GRID2: variants seen among roughly 807,000 people sequenced by gnomAD.
The protein encoded by GRID2 is glutamate ionotropic receptor delta type subunit 2.
GRID2 carries 33 observed loss-of-function variants against 114.8 expected under a neutral mutation model. The observed-to-expected ratio is 0.29, with a 90% CI of 0.22 to 0.38. GRID2 has a LOEUF of 0.38. Ranked by LOEUF, GRID2 falls within the 10% of genes least tolerant of loss-of-function variation. The pLI, the probability that GRID2 is intolerant of heterozygous loss-of-function variation, is 1.00. For missense variants in GRID2, 1,184 were observed against 1,257.7 expected (o/e 0.94, Z 0.89); for synonymous variants, 505 against 449.9 (o/e 1.12, Z -1.55).
At chr4:92,399,915 G>A (rs1730705784) in intron 1 of GRID2, among the ~76,000 whole-genome samples, 1 of 151,858 alleles carries the variant, frequency 6.6e-6, no homozygotes, top group Admixed American at 6.6e-5. Flanking sequence ...TTTTCAGTTG[G>A]GCAGAGCATA....
intron 1 of GRID2, among the ~76,000 whole-genome samples, chr4:92,444,928 GA>G (rs1335738504): frequency 2.6e-5 from 4 of 152,136 alleles, no homozygotes; most frequent in Admixed American, 6.5e-5. Flanking sequence ...AAATCTATGA[GA>G]AATTATTGGC....
At chr4:93,363,024 A>T (rs559693748) in intron 8 of GRID2, among the ~76,000 whole-genome samples, 1 of 152,160 alleles carries the variant, frequency 6.6e-6, no homozygotes, top group Non-Finnish European at 1.5e-5. Context: ...GTTCGGGATC[A>T]GCCTGGCCAA....
At chr4:93,314,918 G>A (rs1158386170) in intron 8 of GRID2, among the ~76,000 whole-genome samples, 1 of 152,012 alleles carries the variant, frequency 6.6e-6, no homozygotes, top group African/African-American at 2.4e-5. Flanking sequence ...GTCTATAGGA[G>A]TGTTATTAAC....
intron 1 of GRID2, among the ~76,000 whole-genome samples, chr4:92,380,140 G>A (rs1579268013): frequency 6.6e-6 from 1 of 151,340 alleles, no homozygotes; most frequent in East Asian, 1.9e-4. Flanking sequence ...TGAAGTTTGG[G>A]AAGCATTTTT....
intron 2 of GRID2, among the ~76,000 whole-genome samples, chr4:92,690,668 C>T (rs1038128523): frequency 1.3e-5 from 2 of 152,048 alleles, no homozygotes; most frequent in Non-Finnish European, 1.5e-5. Context: ...ACAAATTATA[C>T]CTGTATATAA....
intron 1 of GRID2, among the ~76,000 whole-genome samples, chr4:92,450,892 CAAATAAAATAA>C (rs1309276390): frequency 6.4e-5 from 9 of 140,718 alleles, no homozygotes; most frequent in Non-Finnish European, 1.1e-4. Context: ...AATAAATATT[CAAATAAAATAA>C]AAATAAAATA....
chr4:92,401,981 A>C (rs2110282542), intron 1 of GRID2, among the ~76,000 whole-genome samples: 1 of 152,264 alleles, frequency 6.6e-6, no homozygotes, highest in African/African-American at 2.4e-5. Context: ...TTATCAACTA[A>C]GTTTATGAAA....
At chr4:92,794,627 C>T (rs1739762058) in intron 2 of GRID2, among the ~76,000 whole-genome samples, 1 of 151,262 alleles carries the variant, frequency 6.6e-6, no homozygotes, top group Admixed American at 6.6e-5. Flanking sequence ...TCAAAGTAAA[C>T]AGACGTTTGT....
chr4:93,079,320 A>T (rs1287754368), intron 2 of GRID2, among the ~76,000 whole-genome samples: 1 of 151,978 alleles, frequency 6.6e-6, no homozygotes, highest in African/African-American at 2.4e-5. Context: ...AGCTAAAACT[A>T]TAGAGAATCA....
At chr4:93,275,539 T>C (rs1374732546) in intron 8 of GRID2, among the ~76,000 whole-genome samples, 3 of 151,750 alleles carry the variant, frequency 2.0e-5, no homozygotes, top group Non-Finnish European at 4.4e-5. Context: ...GACCATACTG[T>C]TTAGTGTCTC....
chr4:93,227,236 TTATATA>T (rs146296607), intron 7 of GRID2, among the ~76,000 whole-genome samples: 2 of 151,878 alleles, frequency 1.3e-5, no homozygotes, highest in South Asian at 4.2e-4. Context: ...CTCCTGAATA[TTATATA>T]TATATAATTT....
chr4:92,908,475 TGTC>T (rs1748120807), intron 2 of GRID2, among the ~76,000 whole-genome samples: 1 of 150,990 alleles, frequency 6.6e-6, no homozygotes, highest in East Asian at 2.0e-4. Context: ...GACCATTACT[TGTC>T]GTGAACCTGG....
intron 8 of GRID2, among the ~76,000 whole-genome samples, chr4:93,380,190 T>C (rs967434122): frequency 6.6e-6 from 1 of 151,998 alleles, no homozygotes; most frequent in Non-Finnish European, 1.5e-5. Context: ...GTATCTTTAT[T>C]AGAGAAAGAC....
At chr4:92,367,603 A>C (rs761749360) in intron 1 of GRID2, among the ~76,000 whole-genome samples, 1 of 152,104 alleles carries the variant, frequency 6.6e-6, no homozygotes, top group Admixed American at 6.6e-5. Context: ...ATTGGGCAGA[A>C]AGGGCAAGTT....
At chr4:92,684,802 C>T (rs2149287584) in intron 2 of GRID2, among the ~76,000 whole-genome samples, 1 of 152,116 alleles carries the variant, frequency 6.6e-6, no homozygotes, top group East Asian at 1.9e-4. Flanking sequence ...TTGTGGTTGT[C>T]AGATGATTTT....
At position 93,455,703 on chromosome 4, in the gene GRID2, T is replaced by A; in HGVS notation, c.1587T>A (p.Asp529Glu). 1.2e-6 allele frequency: 2 copies of A among 1,613,284 alleles called. No homozygotes were observed. The highest frequency in any genetic ancestry group is 1.7e-6 in the Non-Finnish European group (2 of 1,179,322). ...IGISALTITP[D>E]RENVVDFTTR... ...TTTCTGCTTTAACCATCACTCCAGA[T>A]CGTGAAAATGTGGTGGACTTTACGA... Residue 529 changes from aspartate (D) to glutamate (E), a missense_variant, in exon 11 of 16, where the codon GAT becomes GAA. Asp to Glu is a conservative substitution (Grantham distance 45). Transcript: ENST00000282020.
chr4:93,000,696 T>A (rs1720866585), intron 2 of GRID2, among the ~76,000 whole-genome samples: 1 of 151,344 alleles, frequency 6.6e-6, no homozygotes, highest in South Asian at 2.1e-4. Context: ...TCATACTTTG[T>A]TAAACCATAA....
At chr4:93,740,535 G>T (rs1019123969) in intron 14 of GRID2, among the ~76,000 whole-genome samples, 2 of 152,166 alleles carry the variant, frequency 1.3e-5, no homozygotes, top group African/African-American at 4.8e-5. Flanking sequence ...TTTTAGAGAT[G>T]TTAATCAGGA....
At chr4:93,753,345 T>TTTA (rs1035298743) in intron 14 of GRID2, among the ~76,000 whole-genome samples, 11 of 152,056 alleles carry the variant, frequency 7.2e-5, no homozygotes, top group African/African-American at 2.4e-4. Flanking sequence ...AAAAATTCTT[T>TTTA]TTATTATTAT....
Sources: gnomAD v4.1 joint callset for allele counts (sites outside exome capture counted in the v4.1 genomes callset) on GRCh38, gnomAD v4.1.1 for gene constraint, MANE v1.5 for transcripts, NCBI Gene and HGNC (gene_info 2026-07-23, HGNC 2026-07-21) for gene names.